DYNC2I1: variants seen among roughly 807,000 people sequenced by gnomAD.
DYNC2I1 encodes dynein 2 intermediate chain 1.
DYNC2I1 carries 89 observed loss-of-function variants against 133.4 expected under a neutral mutation model. The observed-to-expected ratio is 0.67, with a 90% CI of 0.56 to 0.80. The LOEUF is 0.80. DYNC2I1 is among the 30% of genes least tolerant of loss of function. The pLI is 0.00. For synonymous variants in DYNC2I1, 504 were observed against 484.3 expected (o/e 1.04, Z -0.54); for missense variants, 1,291 against 1,314.5 (o/e 0.98, Z 0.28).
At chr7:158,899,574 G>T (rs1476992042) in intron 8 of DYNC2I1, among the ~76,000 whole-genome samples, 1 of 152,014 alleles carries the variant, frequency 6.6e-6, no homozygotes, top group African/African-American at 2.4e-5. Flanking sequence ...ATCTCAACTT[G>T]AGTTTATCTC....
intron 1 of DYNC2I1, among the ~76,000 whole-genome samples, chr7:158,863,869 G>A (rs28410687): frequency 2.4e-5 from 3 of 127,640 alleles, no homozygotes; most frequent in Non-Finnish European, 4.9e-5. Flanking sequence ...GGTGTTGGAG[G>A]GGGGAGCGGG....
At chr7:158,885,067 C>T (rs1028634317) in intron 6 of DYNC2I1, among the ~76,000 whole-genome samples, 1 of 152,122 alleles carries the variant, frequency 6.6e-6, no homozygotes, top group African/African-American at 2.4e-5. Flanking sequence ...TGCACCTTTA[C>T]GCACCTGAGC....
chr7:158,843,295 T>C, the DYNC2I1 span, among the ~76,000 whole-genome samples: 2 of 151,950 alleles, frequency 1.3e-5, no homozygotes, highest in African/African-American at 4.8e-5. Flanking sequence ...AGTTTCGCTC[T>C]TGTTGCCCAG....
chr7:158,840,926 G>T, the DYNC2I1 span, among the ~76,000 whole-genome samples: 13 of 152,118 alleles, frequency 8.5e-5, 1 homozygote, highest in South Asian at 2.1e-4. Flanking sequence ...GAGGCCACAA[G>T]CCTCCTGACT....
Position 158,918,815 on chromosome 7 carries a change from C to G in DYNC2I1, c.1867C>G (p.Leu623Val). The change falls in exon 15 of 25, where the codon CTG becomes GTG. Residue 623 changes from leucine (L) to valine (V), a missense_variant. Physicochemically the swap from Leu to Val is conservative, Grantham distance 32. Coordinates refer to ENST00000407559, the MANE Select transcript of DYNC2I1 (RefSeq NM_018051.5). ...GAATCTTAGGGCTCAAGACAGGGCC[C>G]TGTATTTTAGTGACAGCTCATCTCA... is the stretch of plus-strand genomic sequence containing the variant. ...SWNLRAQDRA[L>V]YFSDSSSQLN... is the part of the protein sequence containing the mutation. 6.2e-7 allele frequency: 1 copy of G among 1,613,896 alleles called. No individual in the cohort carries two copies. The highest frequency in any genetic ancestry group is 8.5e-7 in the Non-Finnish European group (1 of 1,179,844).
chr7:158,942,264 C>A, intron 24 of DYNC2I1, 116 bp downstream of exon 24: 2 of 720,200 alleles, frequency 2.8e-6, no homozygotes, highest in South Asian at 2.3e-5. Context: ...TAAGATGTGG[C>A]CATATGTAAA....
intron 3 of DYNC2I1, 124 bp from the exon 4 acceptor site, chr7:158,876,482 TGAA>T: frequency 7.3e-6 from 9 of 1,239,274 alleles, no homozygotes; most frequent in Non-Finnish European, 9.7e-6. Context: ...GTGTTTTAGT[TGAA>T]GAATATTTTC....
the DYNC2I1 span, among the ~76,000 whole-genome samples, chr7:158,847,343 T>G: frequency 6.6e-6 from 1 of 152,188 alleles, no homozygotes; most frequent in Non-Finnish European, 1.5e-5. Flanking sequence ...TAGAGACTAT[T>G]TAAAAGTCAC....
chr7:158,876,725 A>C (rs748141402), intron 4 of DYNC2I1, 34 bp downstream of exon 4: 1 of 1,516,488 alleles, frequency 6.6e-7, no homozygotes, highest in Non-Finnish European at 8.8e-7. Flanking sequence ...AAAGTTTTCC[A>C]AATGTTGCCA....
intron 5 of DYNC2I1, among the ~76,000 whole-genome samples, chr7:158,883,714 A>G (rs1585026850): frequency 8.5e-6 from 1 of 117,336 alleles, no homozygotes; most frequent in African/African-American, 3.4e-5. Flanking sequence ...CCCAGGCTGG[A>G]GTGCATTGGC....
upstream of DYNC2I1, among the ~76,000 whole-genome samples, chr7:158,851,698 A>C (rs981326333): frequency 6.6e-6 from 1 of 152,184 alleles, no homozygotes; most frequent in African/African-American, 2.4e-5. Context: ...TTATTAGAAA[A>C]GGAGGGCTAG....
At chr7:158,943,010 T>G (rs375930241) in intron 24 of DYNC2I1, among the ~76,000 whole-genome samples, 1 of 152,214 alleles carries the variant, frequency 6.6e-6, no homozygotes, top group East Asian at 1.9e-4. Context: ...TTTCTTGAGA[T>G]TTTTACATTT....
At chr7:158,918,209 A>G (rs575608248) in intron 14 of DYNC2I1, among the ~76,000 whole-genome samples, 4 of 152,152 alleles carry the variant, frequency 2.6e-5, no homozygotes, top group African/African-American at 7.2e-5. Context: ...GTTGCTTCTC[A>G]TTCAACACTC....
At chr7:158,948,982 A>G (rs1851970246), downstream of DYNC2I1, among the ~76,000 whole-genome samples, 1 of 152,184 alleles carries the variant, frequency 6.6e-6, no homozygotes, top group South Asian at 2.1e-4. Context: ...CTAATCTCGG[A>G]CTGACTCCTA....
intron 4 of DYNC2I1, among the ~76,000 whole-genome samples, chr7:158,876,921 A>C (rs556493753): frequency 6.6e-6 from 1 of 152,348 alleles, no homozygotes; most frequent in African/African-American, 2.4e-5. Context: ...AGATACAAAT[A>C]AGTAGTAAGA....
At chr7:158,940,091 CAGAA>C (rs960607682) in intron 23 of DYNC2I1, among the ~76,000 whole-genome samples, 1 of 152,190 alleles carries the variant, frequency 6.6e-6, no homozygotes, top group Non-Finnish European at 1.5e-5. Flanking sequence ...ATTACCCAGA[CAGAA>C]AGTCAACAAA....
intron 23 of DYNC2I1, 53 bp downstream of exon 23, chr7:158,934,602 A>G: frequency 2.0e-6 from 3 of 1,526,762 alleles, no homozygotes; most frequent in Non-Finnish European, 2.7e-6. Context: ...GTTTTTTGAG[A>G]CAGGGTCTTG....
upstream of DYNC2I1, among the ~76,000 whole-genome samples, chr7:158,851,861 G>A (rs143437834): frequency 1.5e-3 from 222 of 152,188 alleles, 1 homozygote; most frequent in African/African-American, 4.8e-3. Context: ...ATTTATAGTT[G>A]GTGCCCCAGC....
chr7:158,948,673 T>C (rs775965488), downstream of DYNC2I1, among the ~76,000 whole-genome samples: 4 of 152,120 alleles, frequency 2.6e-5, no homozygotes, highest in Non-Finnish European at 4.4e-5. Context: ...ATGCAGACTT[T>C]TATTCCTGGA....
Sources: gnomAD v4.1 joint callset for allele counts (sites outside exome capture counted in the v4.1 genomes callset) on GRCh38, gnomAD v4.1.1 for gene constraint, MANE v1.5 for transcripts, NCBI Gene and HGNC (gene_info 2026-07-23, HGNC 2026-07-21) for gene names.